The following DCUN1D3 variants were observed in gnomAD, a reference collection of about 807,000 sequenced individuals.
DCUN1D3 encodes the protein DCN1-like protein 3.
Under a neutral mutation model 24.8 loss-of-function variants are expected in DCUN1D3, and 6 were observed. The observed-to-expected ratio is 0.24, with a 90% CI of 0.13 to 0.48. DCUN1D3 has a LOEUF of 0.48. Ranked by LOEUF, DCUN1D3 falls within the 20% of genes least tolerant of loss-of-function variation. DCUN1D3 has a pLI of 0.99. For synonymous variants in DCUN1D3, 120 were observed against 144.9 expected, an observed-to-expected ratio of 0.83 and a Z score of 1.24; for missense variants, 258 against 379.4, an observed-to-expected ratio of 0.68 and a Z score of 2.66.
rs929342951 is a variant in DCUN1D3 at position 20,856,541 on chromosome 16, G to A, written c.*3345C>T. 1.3e-5 allele frequency: 2 copies of A among 152,068 alleles called. No individual in the cohort carries two copies. Among genetic ancestry groups the A allele is most frequent in the African/African-American group, 4.8e-5 (2 of 41,398 alleles). The allele number at this position is 152,068 out of a possible 1,614,324, so 9.4% of individuals were successfully genotyped here. On this transcript the variant is annotated 3_prime_UTR_variant, in exon 3 of 3. Coordinates refer to ENST00000324344, the MANE Select transcript of DCUN1D3 (RefSeq NM_173475.4). ...CAATTGTTATTTTCCTGGGCCCAGG[G>A]GTTTGGTTAAAATTTAGATCTTCAC... is the stretch of plus-strand genomic sequence containing the variant.
intron 1 of DCUN1D3, among the ~76,000 whole-genome samples, chr16:20,882,772 G>A (rs57275748): frequency 6.6e-6 from 1 of 152,134 alleles, no homozygotes; most frequent in African/African-American, 2.4e-5. Flanking sequence ...GAAAAATTCA[G>A]AATACATACG....
At chr16:20,862,038 G>A in intron 2 of DCUN1D3, 70 bp downstream of exon 2, 1 of 1,542,138 alleles carries the variant, frequency 6.5e-7, no homozygotes, top group African/African-American at 1.4e-5. Context: ...ATCCTAGCTG[G>A]GCACCACTGC....
chr16:20,879,968 A>G (rs1463747354), intron 1 of DCUN1D3, among the ~76,000 whole-genome samples: 2 of 152,226 alleles, frequency 1.3e-5, no homozygotes, highest in African/African-American at 2.4e-5. Context: ...ATAATCTTAA[A>G]AACAACTTTG....
At position 20,861,969 on chromosome 16, in the gene DCUN1D3, G is replaced by A. The variant is rs1411950573; in HGVS notation, c.431+139C>T. ...CTTGGCTCAAAAGATTCAAGCTTTA[G>A]AGAACCTGATCAGAAAAATAAAAAC... On this transcript the variant is annotated intron_variant, in intron 2 of 2. Transcript: ENST00000324344. The A allele has an allele frequency of 5.7e-6, 5 of 879,794 alleles. No homozygotes were observed. The African/African-American group carries it at 6.8e-5, about 12-fold the overall frequency. The allele number at this position is 879,794 out of a possible 1,614,324, so 54.5% of individuals were successfully genotyped here.
intron 1 of DCUN1D3, among the ~76,000 whole-genome samples, chr16:20,876,029 G>C (rs2081813472): frequency 6.6e-6 from 1 of 152,202 alleles, no homozygotes; most frequent in African/African-American, 2.4e-5. Flanking sequence ...GCAGTGGCAT[G>C]ATCTCGGCTC....
chr16:20,890,002 C>G (rs767576228), intron 1 of DCUN1D3, among the ~76,000 whole-genome samples: 1 of 152,146 alleles, frequency 6.6e-6, no homozygotes, highest in Non-Finnish European at 1.5e-5. Flanking sequence ...GCTGGGAGAG[C>G]TTCCAGGTTG....
intron 1 of DCUN1D3, chr16:20,868,806 A>G (rs555458717): frequency 6.6e-6 from 1 of 152,354 alleles, no homozygotes; most frequent in East Asian, 1.9e-4. Context: ...AAGAAAAGGC[A>G]GAAGAAAGAA....
intron 1 of DCUN1D3, among the ~76,000 whole-genome samples, chr16:20,864,830 GTCTTT>G (rs1317891331): frequency 3.9e-5 from 6 of 152,230 alleles, no homozygotes; most frequent in African/African-American, 1.4e-4. Context: ...ACGAGATCAT[GTCTTT>G]TGTGGGAACA....
chr16:20,896,515 TCTC>T (rs1179346780), intron 1 of DCUN1D3: 1 of 152,142 alleles, frequency 6.6e-6, no homozygotes, highest in African/African-American at 2.4e-5. Context: ...GACAATGGCT[TCTC>T]CTTGTGTTCA....
rs528565117 is a variant in DCUN1D3, at chr16:20,878,902, G to T, written c.-105-16259C>A. ...AAGGCCAACAACTAAAGTCCTCAAC[G>T]GGGCCCCCAAAGCCAGAGGTACTTG... On this transcript the variant is annotated intron_variant, in intron 1 of 2. Coordinates refer to ENST00000324344, the MANE Select transcript of DCUN1D3 (RefSeq NM_173475.4). 1.0e-3 allele frequency among the ~76,000 whole-genome samples: 153 copies of T among 152,106 alleles called. 1 individual carries two copies. The highest frequency in any genetic ancestry group is 2.0e-3 in the Non-Finnish European group (136 of 68,010).
At chr16:20,897,287 C>T (rs971113859) in intron 1 of DCUN1D3, among the ~76,000 whole-genome samples, 1 of 152,162 alleles carries the variant, frequency 6.6e-6, no homozygotes, top group African/African-American at 2.4e-5. Context: ...CTCAAGTGGA[C>T]GGTCTGGTCA....
At chr16:20,874,059 A>G (rs2081802658) in intron 1 of DCUN1D3, among the ~76,000 whole-genome samples, 1 of 152,250 alleles carries the variant, frequency 6.6e-6, no homozygotes, top group Admixed American at 6.5e-5. Context: ...TCTCCTTTGC[A>G]TAAGTTAGAT....
chr16:20,867,242 A>T (rs984229128), intron 1 of DCUN1D3, among the ~76,000 whole-genome samples: 3 of 152,174 alleles, frequency 2.0e-5, no homozygotes, highest in Admixed American at 6.5e-5. Flanking sequence ...CCAGCAAAGC[A>T]TCTAGAGAGA....
intron 1 of DCUN1D3, among the ~76,000 whole-genome samples, chr16:20,899,031 C>T (rs371464831): frequency 1.6e-4 from 25 of 152,190 alleles, no homozygotes; most frequent in Non-Finnish European, 1.9e-4. Flanking sequence ...CATTTAGGAC[C>T]CCCATACACA....
At chr16:20,874,668 C>G (rs2081805042) in intron 1 of DCUN1D3, among the ~76,000 whole-genome samples, 2 of 152,196 alleles carry the variant, frequency 1.3e-5, no homozygotes, top group South Asian at 4.1e-4. Flanking sequence ...ATTCCTATCA[C>G]TGAGACAATT....
At chr16:20,863,994 T>C (rs578242862) in intron 1 of DCUN1D3, among the ~76,000 whole-genome samples, 2 of 152,254 alleles carry the variant, frequency 1.3e-5, no homozygotes, top group East Asian at 3.9e-4. Context: ...AAGACTTAAA[T>C]GTAAAACCCC....
chr16:20,874,986 G>A (rs2081806511), intron 1 of DCUN1D3, among the ~76,000 whole-genome samples: 1 of 152,050 alleles, frequency 6.6e-6, no homozygotes, highest in South Asian at 2.1e-4. Context: ...CTGATGATTC[G>A]TTCCTGCCCA....
chr16:20,888,552 G>A (rs532427625), intron 1 of DCUN1D3, among the ~76,000 whole-genome samples: 13 of 152,270 alleles, frequency 8.5e-5, no homozygotes, highest in East Asian at 7.7e-4. Context: ...TCAACTTTCC[G>A]GGCTAGGGTG....
At chr16:20,895,903 C>T (rs2081913580) in intron 1 of DCUN1D3, among the ~76,000 whole-genome samples, 1 of 152,200 alleles carries the variant, frequency 6.6e-6, no homozygotes, top group Non-Finnish European at 1.5e-5. Context: ...ACTTCTTCAC[C>T]TCAAAACAAC....
Sources: gnomAD v4.1 joint callset for allele counts (sites outside exome capture counted in the v4.1 genomes callset) on GRCh38, gnomAD v4.1.1 for gene constraint, MANE v1.5 for transcripts, NCBI Gene and HGNC (gene_info 2026-07-23, HGNC 2026-07-21) for gene names.